Variants in PTCH1 observed in about 807,000 individuals in gnomAD.
PTCH1 encodes protein patched homolog 1.
PTCH1 carries 14 observed loss-of-function variants against 144.6 expected under a neutral mutation model. The ratio of observed to expected loss-of-function variants is 0.10; its 90% CI spans 0.06 to 0.15. The LOEUF is 0.15. PTCH1 is among the 10% of genes least tolerant of loss of function. The pLI is 1.00. For synonymous variants in PTCH1, 833 were observed against 793.6 expected, an observed-to-expected ratio of 1.05 and a Z score of -0.83; for missense variants, 1,623 against 1,948.3, an observed-to-expected ratio of 0.83 and a Z score of 3.14.
chr9:95,507,283 T>A, intron 1 of PTCH1: 1 of 985,492 alleles, frequency 1.0e-6, no homozygotes, highest in African/African-American at 1.7e-5. Context: ...CTCCTCTCCC[T>A]TCCTTTCTGG....
intron 1 of PTCH1, among the ~76,000 whole-genome samples, chr9:95,516,215 G>C (rs1587710492): frequency 6.7e-6 from 1 of 149,898 alleles, no homozygotes; most frequent in Non-Finnish European, 1.5e-5. Flanking sequence ...GCCACGCGGG[G>C]CTGGCCTCGG....
chr9:95,490,651 T>C (rs972357164), intron 2 of PTCH1, among the ~76,000 whole-genome samples: 1 of 151,842 alleles, frequency 6.6e-6, no homozygotes, highest in Non-Finnish European at 1.5e-5. Flanking sequence ...CTCACTCATA[T>C]ATGAGAGGTA....
rs779365332 is a variant in PTCH1 at position 95,447,348 on chromosome 9, C to T, written c.3908G>A (p.Arg1303His). ...CAAGCCTTCTCTGGGGGGGTCCCTG[C>T]GGGGCTGCTGGCCTTGCCGTCCGGG... ...LPPGRQGQQPRRDPPREGLWP... is the reference protein window; with the variant it reads ...LPPGRQGQQPHRDPPREGLWP... The change falls in exon 23 of 24, where the codon CGC (arginine) becomes CAC (histidine). Residue 1303 changes from arginine (R) to histidine (H), a missense_variant. Transcript: ENST00000331920. The T allele has an allele frequency of 6.1e-5, 98 of 1,613,462 alleles. No individual in the cohort carries two copies. In the Admixed American group the frequency reaches 9.2e-4, roughly 15 times the overall value.
At chr9:95,511,170 G>T (rs1009165331), upstream of PTCH1, among the ~76,000 whole-genome samples, 2 of 150,048 alleles carry the variant, frequency 1.3e-5, no homozygotes, top group South Asian at 4.1e-4. Flanking sequence ...GGGGCGCGCC[G>T]GCCACCGGGG....
chr9:95,463,871 T>A (rs575237936), intron 15 of PTCH1, among the ~76,000 whole-genome samples: 1 of 152,158 alleles, frequency 6.6e-6, no homozygotes, highest in South Asian at 2.1e-4. Context: ...TGGCCTACAG[T>A]GCGGGGACAC....
intron 12 of PTCH1, among the ~76,000 whole-genome samples, chr9:95,470,834 C>T (rs557103524): frequency 2.5e-4 from 38 of 152,104 alleles, no homozygotes; most frequent in African/African-American, 8.9e-4. Context: ...CAGCACTTTG[C>T]GAGGCTGAGG....
intron 2 of PTCH1, among the ~76,000 whole-genome samples, chr9:95,490,030 C>T: frequency 6.6e-6 from 1 of 151,410 alleles, no homozygotes; most frequent in Admixed American, 6.6e-5. Flanking sequence ...TCTCGATCTC[C>T]TGACCTTGTG....
chr9:95,505,852 A>ACGCCGC (rs1368730002), intron 2 of PTCH1, among the ~76,000 whole-genome samples: 3 of 147,468 alleles, frequency 2.0e-5, no homozygotes, highest in Non-Finnish European at 4.5e-5. Flanking sequence ...AGGACCACAC[A>ACGCCGC]CGCCGCCGCC....
Position 95,476,618 on chromosome 9 carries a change from T to A in PTCH1, c.1602+141A>T. The A allele has an allele frequency of 1.6e-5, 13 of 837,054 alleles. No individual in the cohort carries two copies. In the South Asian group the frequency reaches 1.9e-4, roughly 12 times the overall value. The allele number at this position is 837,054 out of a possible 1,614,324, so 51.9% of individuals were successfully genotyped here. A position where few individuals can be genotyped will look rare whatever the true frequency, so the allele number is the denominator to read the frequency against. ...CTGAGAGTCTTCCAGCTTATTTCAT[T>A]GACTGGCAGCCAGTGACACATCATC... On this transcript the variant is annotated intron_variant, in intron 11 of 23. Coordinates refer to ENST00000331920, the MANE Select transcript of PTCH1 (RefSeq NM_000264.5). The surrounding 1 kb of genome is among the most constrained non-coding windows in gnomAD (Gnocchi z 4.6).
chr9:95,508,054 TGTGTGA>T (rs1196247252), intron 1 of PTCH1, 101 bp downstream of exon 1: 101 of 1,521,594 alleles, frequency 6.6e-5, no homozygotes, highest in Admixed American at 1.7e-4. Context: ...TGTGTGTGTG[TGTGTGA>T]GAGAGAGAGG....
upstream of PTCH1, among the ~76,000 whole-genome samples, chr9:95,509,603 A>ACGCG (rs1844037667): frequency 6.6e-6 from 1 of 152,118 alleles, no homozygotes; most frequent in Non-Finnish European, 1.5e-5. Context: ...GCGCGCACAC[A>ACGCG]CGCGCGCGCA....
At chr9:95,484,330 G>A (rs1418448986) in intron 3 of PTCH1, 2 of 152,188 alleles carry the variant, frequency 1.3e-5, no homozygotes, top group African/African-American at 2.4e-5. Context: ...TAAGGCCCTT[G>A]CATTCATGTA....
rs1588608374 is a variant in PTCH1, at chr9:95,479,995, G to C, written c.1041C>G (p.Val347=). Residue 347 remains valine (V), a synonymous_variant, in exon 7 of 24, where the codon GTC becomes GTG. Transcript: ENST00000331920. ...WQEELIVGGT[V]KNSTGKLVSA... ...TGACGAGTTTTCCAGTGCTGTTCTT[G>C]ACTGTGCCACCCACAATCAACTCCT... The C allele has an allele frequency of 1.6e-5, 26 of 1,614,086 alleles. No homozygotes were observed. The highest frequency in any genetic ancestry group is 2.1e-5 in the Non-Finnish European group (25 of 1,180,044).
chr9:95,481,825 C>T (rs1169573118), intron 5 of PTCH1, 124 bp downstream of exon 5: 3 of 937,642 alleles, frequency 3.2e-6, no homozygotes, highest in Non-Finnish European at 5.1e-6. Flanking sequence ...AAAAAATGCA[C>T]ATGGAATTTC....
chr9:95,453,382 G>A lies in PTCH1; in HGVS notation c.3449+96C>T, dbSNP rs889793436. On this transcript the variant is annotated intron_variant, in intron 20 of 23. Coordinates refer to ENST00000331920, the MANE Select transcript of PTCH1 (RefSeq NM_000264.5). ...CTTGACCTTCTGATCCACCCGCCTCGGCCTCCTAAAGTGCTGGGATTACAG... is the reference window on the plus strand; with the variant it reads ...CTTGACCTTCTGATCCACCCGCCTCAGCCTCCTAAAGTGCTGGGATTACAG... The A allele has an allele frequency of 5.4e-5, 84 of 1,569,188 alleles. 1 individual carries two copies. Among genetic ancestry groups the A allele is most frequent in the South Asian group, 8.9e-5 (8 of 89,950 alleles).
chr9:95,473,104 C>T (rs1055467816), intron 12 of PTCH1, among the ~76,000 whole-genome samples: 2 of 152,196 alleles, frequency 1.3e-5, no homozygotes, highest in African/African-American at 4.8e-5. Context: ...CACTACTGGG[C>T]TACCAGCAAG....
In PTCH1 at chr9:95,476,639, T is replaced by A; in HGVS notation, c.1602+120A>T. Reference sequence around the variant, plus strand: ...TCATTGACTGGCAGCCAGTGACACATCATCTGACATGGGACTGAAATCTTT... The same window carrying A: ...TCATTGACTGGCAGCCAGTGACACAACATCTGACATGGGACTGAAATCTTT... On this transcript the variant is annotated intron_variant, in intron 11 of 23. Coordinates refer to ENST00000331920, the MANE Select transcript of PTCH1 (RefSeq NM_000264.5). The surrounding 1 kb of genome is among the most constrained non-coding windows in gnomAD (Gnocchi z 4.6). 1 of 940,170 alleles carries A rather than the reference T, an allele frequency of 1.1e-6. No individual in the cohort carries two copies. Among genetic ancestry groups the A allele is most frequent in the Non-Finnish European group, 1.7e-6 (1 of 591,902 alleles). 58.2% of individuals were successfully genotyped at this position (940,170 alleles called of 1,614,324 possible).
intron 20 of PTCH1, chr9:95,452,510 C>A (rs1343282469): frequency 6.6e-6 from 1 of 152,176 alleles, no homozygotes; most frequent in Non-Finnish European, 1.5e-5. Context: ...AGAGCAGGTC[C>A]CTCACAAAGC....
chr9:95,450,304 C>T, intron 20 of PTCH1: 1 of 344,688 alleles, frequency 2.9e-6, no homozygotes. Context: ...AAAGCACAAA[C>T]ACAATGCCGA....
Sources: allele counts gnomAD v4.1 joint callset (sites outside exome capture counted in the v4.1 genomes callset), GRCh38; gene constraint gnomAD v4.1.1; non-coding constraint Gnocchi (gnomAD v3.1); transcripts MANE v1.5; gene names NCBI Gene and HGNC (gene_info 2026-07-23, HGNC 2026-07-21).